ZNF423: variants seen among roughly 807,000 people sequenced by gnomAD.
ZNF423 encodes the protein zinc finger protein 423, also known as Ebf-associated zinc finger protein.
In ZNF423, 12 loss-of-function variants were observed where a neutral mutation model predicts 95.8. The observed-to-expected ratio is 0.13, with a 90% CI of 0.08 to 0.20. The LOEUF is 0.20. Ranked by LOEUF, ZNF423 falls within the 10% of genes least tolerant of loss-of-function variation. The pLI is 1.00. For missense variants in ZNF423, 1,316 were observed against 1,737.1 expected (o/e 0.76, Z 4.31); for synonymous variants, 749 against 711.9 (o/e 1.05, Z -0.83).
At position 49,638,573 on chromosome 16, in the gene ZNF423, C is replaced by T. The variant is rs755058223; in HGVS notation, c.603G>A (p.Lys201=). The T allele has an allele frequency of 6.8e-6, 11 of 1,613,746 alleles. No homozygotes were observed. The Admixed American group carries it at 1.7e-4, about 24-fold the overall frequency. Residue 201 remains lysine (K), a synonymous_variant, in exon 4 of 8, where the codon AAG becomes AAA. Coordinates refer to ENST00000563137, the MANE Select transcript of ZNF423 (RefSeq NM_001379286.1). The surrounding 1 kb of genome is among the most constrained non-coding windows in gnomAD (Gnocchi z 5.6). ...RHIKLHTGDK[K]YHCHECEAAF... is the part of the protein sequence containing the mutation. ...CTGCCTCGCACTCGTGGCAGTGATACTTCTTGTCGCCCGTATGCAGCTTGA... is the reference window on the plus strand; with the variant it reads ...CTGCCTCGCACTCGTGGCAGTGATATTTCTTGTCGCCCGTATGCAGCTTGA...
intron 5 of ZNF423, among the ~76,000 whole-genome samples, chr16:49,532,256 C>T (rs1442715190): frequency 2.6e-5 from 4 of 152,084 alleles, no homozygotes; most frequent in Non-Finnish European, 4.4e-5. Context: ...GCTAACACTC[C>T]CCCAAACCAT....
chr16:49,666,104 G>A (rs1362904020), intron 3 of ZNF423, among the ~76,000 whole-genome samples: 2 of 152,186 alleles, frequency 1.3e-5, no homozygotes, highest in East Asian at 1.9e-4. Context: ...GGGGAGAGCT[G>A]GGGAGACGGA....
intron 3 of ZNF423, among the ~76,000 whole-genome samples, chr16:49,649,745 T>A (rs1488938484): frequency 2.0e-5 from 3 of 149,586 alleles, no homozygotes; most frequent in African/African-American, 7.5e-5. Flanking sequence ...ACAGGAGAAG[T>A]GTAAAGGATT....
chr16:49,853,714 A>T, intron 1 of ZNF423: 1 of 985,372 alleles, frequency 1.0e-6, no homozygotes, highest in Non-Finnish European at 1.2e-6. Flanking sequence ...GAAAGGCTGA[A>T]GACCAATTCT....
chr16:49,514,214 G>GCACACA lies in ZNF423; in HGVS notation c.3849+9409_3849+9410insTGTGTG, dbSNP rs1968032242. ...CACACACACACACACACACACACAT[G>GCACACA]CACACGCACATGCGTACACACACAC... is the stretch of plus-strand genomic sequence containing the variant. On this transcript the variant is annotated intron_variant, in intron 7 of 7. Coordinates refer to ENST00000563137, the MANE Select transcript of ZNF423 (RefSeq NM_001379286.1). 1.7e-4 allele frequency among the ~76,000 whole-genome samples: 6 copies of GCACACA among 35,480 alleles called. No individual in the cohort carries two copies. In the South Asian group the frequency reaches 3.2e-3, roughly 19 times the overall value. 23.3% of individuals were successfully genotyped at this position (35,480 alleles called of 152,430 possible). A position where few individuals can be genotyped will look rare whatever the true frequency, so the allele number is the denominator to read the frequency against.
intron 3 of ZNF423, among the ~76,000 whole-genome samples, chr16:49,657,723 C>T (rs529600195): frequency 4.8e-4 from 73 of 152,344 alleles, no homozygotes; most frequent in Non-Finnish European, 8.8e-4. Flanking sequence ...GGCCCTGTCT[C>T]CTCCGTCCTA....
chr16:49,760,020 G>A (rs922923703), intron 2 of ZNF423, among the ~76,000 whole-genome samples: 1 of 140,446 alleles, frequency 7.1e-6, no homozygotes, highest in African/African-American at 2.7e-5. Context: ...AGATCAATGG[G>A]TGGATGGGTG....
Position 49,671,308 on chromosome 16 carries a change from G to T in ZNF423, c.302-32434C>A, listed in dbSNP as rs545454050. On this transcript the variant is annotated intron_variant, in intron 3 of 7. Transcript: ENST00000563137. ...GTCCCCTCTGATCTTGTTCTTGCAGGGAGCTCAAGGCCTGGCAGCAGCCAC... is the reference window on the plus strand; with the variant it reads ...GTCCCCTCTGATCTTGTTCTTGCAGTGAGCTCAAGGCCTGGCAGCAGCCAC... 2.6e-5 allele frequency among the ~76,000 whole-genome samples: 4 copies of T among 152,304 alleles called. No individual in the cohort carries two copies. The East Asian group carries it at 7.7e-4, about 29-fold the overall frequency.
intron 3 of ZNF423, among the ~76,000 whole-genome samples, chr16:49,660,485 T>C (rs550425740): frequency 1.3e-5 from 2 of 152,156 alleles, no homozygotes; most frequent in South Asian, 4.2e-4. Context: ...GCCTAGGAGT[T>C]GGGGACAGAG....
intron 5 of ZNF423, among the ~76,000 whole-genome samples, chr16:49,526,764 C>T (rs1567444608): frequency 6.6e-6 from 1 of 152,224 alleles, no homozygotes; most frequent in Non-Finnish European, 1.5e-5. Context: ...CTGAAACACT[C>T]CATAACAGCT....
In ZNF423 at chr16:49,818,143, T is replaced by A. The variant is rs148762279; in HGVS notation, c.41-28597A>T. On this transcript the variant is annotated intron_variant, in intron 1 of 7. Transcript: ENST00000563137. ...AGAAGGCTTCTGTGCAGTTGAAATCTAATTCCCCTACTCCTTGATGCACCG... is the reference window on the plus strand; with the variant it reads ...AGAAGGCTTCTGTGCAGTTGAAATCAAATTCCCCTACTCCTTGATGCACCG... Among the ~76,000 whole-genome samples, 330 of 152,242 alleles carry A rather than the reference T, an allele frequency of 2.2e-3. 4 individuals carry two copies. Among genetic ancestry groups the A allele is most frequent in the African/African-American group, 7.0e-3 (289 of 41,546 alleles).
chr16:49,508,497 G>A (rs1297188495), intron 7 of ZNF423, among the ~76,000 whole-genome samples: 1 of 130,642 alleles, frequency 7.7e-6, no homozygotes, highest in Non-Finnish European at 1.6e-5. Context: ...TGCAGCCTGA[G>A]CAAGATTCTC....
chr16:49,715,270 C>T (rs146326883), intron 3 of ZNF423, among the ~76,000 whole-genome samples: 27 of 152,270 alleles, frequency 1.8e-4, no homozygotes, highest in Admixed American at 7.2e-4. Flanking sequence ...TGAAGGGAGC[C>T]GCTGCTGCAG....
chr16:49,655,024 T>C (rs1333254045), intron 3 of ZNF423, among the ~76,000 whole-genome samples: 6 of 152,178 alleles, frequency 3.9e-5, no homozygotes, highest in Non-Finnish European at 8.8e-5. Flanking sequence ...CAAAGACAAA[T>C]ACTAGGTGAA....
At chr16:49,685,081 C>T (rs549622363) in intron 3 of ZNF423, among the ~76,000 whole-genome samples, 51 of 152,238 alleles carry the variant, frequency 3.4e-4, no homozygotes, top group Middle Eastern at 6.8e-3. Flanking sequence ...CCATCTGGGG[C>T]CATAACAAGC....
At chr16:49,642,982 G>A (rs750260460) in intron 3 of ZNF423, among the ~76,000 whole-genome samples, 10 of 151,864 alleles carry the variant, frequency 6.6e-5, no homozygotes, top group Non-Finnish European at 1.2e-4. Context: ...CACCATGCCC[G>A]GCTAATTTTT....
At chr16:49,616,988 C>A (rs573715288) in intron 5 of ZNF423, among the ~76,000 whole-genome samples, 1 of 152,328 alleles carries the variant, frequency 6.6e-6, no homozygotes, top group South Asian at 2.1e-4. Flanking sequence ...ATCCTCCAAA[C>A]AGTGCCAACC....
chr16:49,636,295 G>T lies in ZNF423; in HGVS notation c.2881C>A (p.Arg961=). Residue 961 remains arginine, a synonymous_variant, in exon 4 of 8, where the codon CGG becomes AGG. Transcript: ENST00000563137. This position sits in a 1 kb window ranked among gnomAD's most constrained non-coding sequence, Gnocchi z 8.6. The part of the protein sequence containing the change: ...NGLREHLQTH[R]GPAKHYMCPI... The stretch of plus-strand genomic sequence containing the variant: ...CACATGTAGTGCTTGGCAGGGCCCC[G>T]GTGCGTCTGCAGGTGCTCCCGTAGC... The T allele has an allele frequency of 6.2e-7, 1 of 1,612,634 alleles. No individual in the cohort carries two copies. The highest frequency in any genetic ancestry group is 1.3e-5 in the African/African-American group (1 of 75,050).
intron 5 of ZNF423, among the ~76,000 whole-genome samples, chr16:49,575,531 C>A (rs1029389560): frequency 6.6e-6 from 1 of 152,172 alleles, no homozygotes; most frequent in Non-Finnish European, 1.5e-5. Context: ...GGAGTGGCTG[C>A]CCCAGTCCTC....
Sources: gnomAD v4.1 joint callset for allele counts (sites outside exome capture counted in the v4.1 genomes callset) on GRCh38, gnomAD v4.1.1 for gene constraint, Gnocchi (gnomAD v3.1) non-coding constraint, MANE v1.5 for transcripts, NCBI Gene and HGNC (gene_info 2026-07-23, HGNC 2026-07-21) for gene names.